The following SORCS2 variants were observed in gnomAD, a reference collection of about 807,000 sequenced individuals.
The protein encoded by SORCS2 is sortilin related VPS10 domain containing receptor 2.
A neutral mutation model predicts 141.6 loss-of-function variants in SORCS2; 100 were observed. That is an observed-to-expected ratio of 0.71 (90% CI 0.60 to 0.83). The LOEUF is 0.83. Ranked by LOEUF, SORCS2 falls within the 40% of genes least tolerant of loss-of-function variation. The pLI, the probability that SORCS2 is intolerant of heterozygous loss-of-function variation, is 0.00. For synonymous variants in SORCS2, 789 were observed against 676.9 expected (o/e 1.17, Z -2.57); for missense variants, 1,646 against 1,560.2 (o/e 1.05, Z -0.93).
chr4:7,297,411 C>T (rs1181786870), intron 1 of SORCS2, among the ~76,000 whole-genome samples: 1 of 152,006 alleles, frequency 6.6e-6, no homozygotes, highest in Non-Finnish European at 1.5e-5. Flanking sequence ...GGCCCCCGCC[C>T]CTCCCCCACC....
chr4:7,628,808 G>A (rs1577863488), intron 3 of SORCS2, among the ~76,000 whole-genome samples: 1 of 152,238 alleles, frequency 6.6e-6, no homozygotes, highest in East Asian at 1.9e-4. Flanking sequence ...TTCTAGGGCA[G>A]TGTGGATGCC....
chr4:7,339,543 A>G (rs1457811763), intron 1 of SORCS2, among the ~76,000 whole-genome samples: 11 of 152,038 alleles, frequency 7.2e-5, no homozygotes. Context: ...TGGCCTGTAG[A>G]TGCCCCACCC....
chr4:7,424,391 C>T (rs377270600), intron 2 of SORCS2, among the ~76,000 whole-genome samples: 32 of 152,320 alleles, frequency 2.1e-4, no homozygotes, highest in African/African-American at 7.0e-4. Context: ...TGTGTGTGAC[C>T]GTGGAAACAT....
intron 1 of SORCS2, among the ~76,000 whole-genome samples, chr4:7,222,144 C>T (rs909362770): frequency 2.0e-5 from 3 of 152,106 alleles, no homozygotes; most frequent in Admixed American, 6.5e-5. Flanking sequence ...TGTCATGTGA[C>T]CCAGCAGTCC....
intron 11 of SORCS2, among the ~76,000 whole-genome samples, chr4:7,693,904 A>C (rs922816982): frequency 3.3e-5 from 5 of 152,220 alleles, no homozygotes; most frequent in African/African-American, 1.2e-4. Flanking sequence ...TGGGAGCTGA[A>C]CTGAGCCCCA....
chr4:7,691,248 C>T (rs947465386), intron 11 of SORCS2, among the ~76,000 whole-genome samples: 1 of 152,230 alleles, frequency 6.6e-6, no homozygotes, highest in Non-Finnish European at 1.5e-5. Flanking sequence ...TTCACTATAT[C>T]GCAGCACCGA....
chr4:7,220,026 C>T lies in SORCS2; in HGVS notation c.480+26900C>T, dbSNP rs182230866. Among the ~76,000 whole-genome samples, 571 of 152,326 alleles carry T rather than the reference C, an allele frequency of 3.7e-3. 3 individuals carry two copies. Among genetic ancestry groups the T allele is most frequent in the African/African-American group, 0.013 (544 of 41,564 alleles). On this transcript the variant is annotated intron_variant, in intron 1 of 26. Transcript: ENST00000507866. ...GTGTCATGGATTTCAGAACTAGTTC[C>T]ACCAAGAGTACATACAGTTTAGAAC...
At chr4:7,702,278 G>A (rs375614975) in intron 12 of SORCS2, among the ~76,000 whole-genome samples, 36 of 152,334 alleles carry the variant, frequency 2.4e-4, no homozygotes, top group African/African-American at 7.9e-4. Flanking sequence ...GAGGAGGGGC[G>A]GTATGGGGCG....
chr4:7,403,995 A>T lies in SORCS2; in HGVS notation c.548+7640A>T, dbSNP rs1258609083. On this transcript the variant is annotated intron_variant, in intron 2 of 26. Coordinates refer to ENST00000507866, the MANE Select transcript of SORCS2 (RefSeq NM_020777.3). Reference sequence around the variant, plus strand: ...TATATATATATATATATATATATATATATTTTTTTTTTTTTTTTAGTATCC... The same window carrying T: ...TATATATATATATATATATATATATTTATTTTTTTTTTTTTTTTAGTATCC... Among the ~76,000 whole-genome samples the T allele has an allele frequency of 9.2e-3, 88 of 9,528 alleles. 4 individuals carry two copies. The highest frequency in any genetic ancestry group is 0.25 in the Middle Eastern group (2 of 8). 6.3% of individuals were successfully genotyped at this position (9,528 alleles called of 152,430 possible).
At chr4:7,314,836 GTTGTTGTTT>G (rs1718458671) in intron 1 of SORCS2, among the ~76,000 whole-genome samples, 2 of 104,512 alleles carry the variant, frequency 1.9e-5, no homozygotes, top group Non-Finnish European at 3.9e-5. Context: ...TTTTATTGTT[GTTGTTGTTT>G]TTGTTGTTGT....
At chr4:7,641,709 A>C (rs534219974) in intron 4 of SORCS2, among the ~76,000 whole-genome samples, 22 of 151,806 alleles carry the variant, frequency 1.4e-4, no homozygotes, top group Non-Finnish European at 2.6e-4. Context: ...GGGTGGGTGG[A>C]TGGGTGAGGA....
chr4:7,423,218 C>A (rs9999662), intron 2 of SORCS2, among the ~76,000 whole-genome samples: 81,127 of 151,830 alleles, frequency 0.53, 21,962 homozygotes, highest in African/African-American at 0.63. Flanking sequence ...ACCGCTCAGG[C>A]CTTAAATGCA....
chr4:7,512,167 G>A (rs764532337), intron 2 of SORCS2, among the ~76,000 whole-genome samples: 2 of 152,036 alleles, frequency 1.3e-5, no homozygotes, highest in Non-Finnish European at 1.5e-5. Flanking sequence ...TTCTCCAGGC[G>A]GTGTCGTTAA....
rs900736377 is a variant in SORCS2 at position 7,461,638 on chromosome 4, C to T, written c.548+65283C>T. Among the ~76,000 whole-genome samples, 10 of 152,300 alleles carry T rather than the reference C, an allele frequency of 6.6e-5. No individual in the cohort carries two copies. In the East Asian group the frequency reaches 7.7e-4, roughly 12 times the overall value. ...GATCCGAGGAGCGTAGCAGCAGCCT[C>T]GCTGCTGGGGTGACAGAGAAAACCC... On this transcript the variant is annotated intron_variant, in intron 2 of 26. Transcript: ENST00000507866.
chr4:7,531,456 C>A, intron 2 of SORCS2, 74 bp from the exon 3 acceptor site: 2 of 1,422,992 alleles, frequency 1.4e-6, no homozygotes, highest in South Asian at 1.2e-5. Context: ...AGGGCAGGGG[C>A]TGGACACCGT....
intron 3 of SORCS2, among the ~76,000 whole-genome samples, chr4:7,614,865 C>A (rs1718654581): frequency 6.6e-6 from 1 of 151,896 alleles, no homozygotes; most frequent in Admixed American, 6.6e-5. Context: ...TCCATCCATC[C>A]CTCTACTCAT....
intron 1 of SORCS2, among the ~76,000 whole-genome samples, chr4:7,389,480 C>T (rs1207260938): frequency 1.3e-5 from 2 of 152,082 alleles, no homozygotes; most frequent in Non-Finnish European, 2.9e-5. Context: ...ACAGATGGGG[C>T]GGGGGTGAGG....
intron 1 of SORCS2, among the ~76,000 whole-genome samples, chr4:7,357,893 G>A (rs1721349726): frequency 6.6e-6 from 1 of 152,326 alleles, no homozygotes; most frequent in Non-Finnish European, 1.5e-5. Context: ...GATTCTGTCT[G>A]TCTAAACACG....
At chr4:7,517,487 G>A (rs1290859544) in intron 2 of SORCS2, among the ~76,000 whole-genome samples, 3 of 152,030 alleles carry the variant, frequency 2.0e-5, no homozygotes, top group African/African-American at 2.4e-5. Context: ...CACTCAATAC[G>A]TCATTTGGAC....
Sources: gnomAD v4.1 joint callset for allele counts (sites outside exome capture counted in the v4.1 genomes callset) on GRCh38, gnomAD v4.1.1 for gene constraint, MANE v1.5 for transcripts, NCBI Gene and HGNC (gene_info 2026-07-23, HGNC 2026-07-21) for gene names.